AGBL4: variants seen among roughly 807,000 people sequenced by gnomAD.
The protein encoded by AGBL4 is AGBL carboxypeptidase 4, also known as cytosolic carboxypeptidase 6.
A neutral mutation model predicts 66.4 loss-of-function variants in AGBL4; 58 were observed. The observed-to-expected ratio is 0.87, with a 90% CI of 0.71 to 1.09. The LOEUF (loss-of-function observed/expected upper bound fraction) is 1.09, where lower values mean the gene tolerates loss of function less well. Among genes scored for constraint, AGBL4 ranks in the 50% least tolerant of loss-of-function variants. The pLI is 0.00. For synonymous variants in AGBL4, 234 were observed against 222.9 expected (o/e 1.05, Z -0.44); for missense variants, 579 against 631.0 (o/e 0.92, Z 0.88).
At chr1:49,454,211 C>A (rs766239551) in intron 3 of AGBL4, among the ~76,000 whole-genome samples, 3 of 151,734 alleles carry the variant, frequency 2.0e-5, no homozygotes, top group Non-Finnish European at 4.4e-5. Context: ...AAGAAGGGAA[C>A]CAGCAGAGCA....
intron 1 of AGBL4, among the ~76,000 whole-genome samples, chr1:49,984,656 G>T (rs984018000): frequency 2.0e-5 from 3 of 152,192 alleles, no homozygotes; most frequent in African/African-American, 4.8e-5. Flanking sequence ...CTTGCAGGCT[G>T]TAACTCTTTA....
chr1:49,668,176 A>G (rs990337935), intron 3 of AGBL4, among the ~76,000 whole-genome samples: 9 of 152,214 alleles, frequency 5.9e-5, no homozygotes, highest in African/African-American at 1.7e-4. Flanking sequence ...AGAACTTAAC[A>G]TCCTTTAGTT....
At chr1:49,970,496 T>C (rs1317393664) in intron 1 of AGBL4, among the ~76,000 whole-genome samples, 1 of 151,858 alleles carries the variant, frequency 6.6e-6, no homozygotes, top group Admixed American at 6.6e-5. Context: ...GGTATAAGAA[T>C]CGGTGCCTGG....
intron 3 of AGBL4, among the ~76,000 whole-genome samples, chr1:49,554,548 C>A (rs1383294854): frequency 7.9e-5 from 12 of 152,080 alleles, no homozygotes; most frequent in Admixed American, 6.5e-4. Flanking sequence ...CTCCAGATAC[C>A]AAGTGTTTTT....
At chr1:48,540,639 G>GCACTTAT (rs1224957986) in intron 11 of AGBL4, among the ~76,000 whole-genome samples, 1 of 151,972 alleles carries the variant, frequency 6.6e-6, no homozygotes, top group Non-Finnish European at 1.5e-5. Context: ...TTCATTCAAA[G>GCACTTAT]CACTTATCAC....
At position 49,722,662 on chromosome 1, in the gene AGBL4, T is replaced by C. The variant is rs1251409676; in HGVS notation, c.158-25225A>G. Among the ~76,000 whole-genome samples, 2 of 152,190 alleles carry C rather than the reference T, an allele frequency of 1.3e-5. 1 individual carries two copies. Among genetic ancestry groups the C allele is most frequent in the Non-Finnish European group, 2.9e-5 (2 of 68,018 alleles). The stretch of plus-strand genomic sequence containing the variant: ...ACATGTTTTTAAGTGGATGTACTAT[T>C]GATTTTACATTGATTGAATGGCAGT... On this transcript the variant is annotated intron_variant, in intron 2 of 13. Transcript: ENST00000371839.
chr1:48,567,767 C>G (rs1464011974), intron 11 of AGBL4, among the ~76,000 whole-genome samples: 1 of 152,130 alleles, frequency 6.6e-6, no homozygotes, highest in Admixed American at 6.5e-5. Context: ...GCAGGGAGGG[C>G]TGGACCCTCA....
intron 6 of AGBL4, among the ~76,000 whole-genome samples, chr1:48,808,216 G>T (rs1645971519): frequency 6.6e-6 from 1 of 152,080 alleles, no homozygotes; most frequent in African/African-American, 2.4e-5. Flanking sequence ...TAATGGTATT[G>T]GCTGCTTACC....
intron 3 of AGBL4, among the ~76,000 whole-genome samples, chr1:49,614,290 G>A (rs982251200): frequency 2.0e-5 from 3 of 151,974 alleles, no homozygotes; most frequent in African/African-American, 7.3e-5. Context: ...AACTTTATAT[G>A]AATGGAATCA....
chr1:49,895,261 A>C (rs1473272188), intron 1 of AGBL4, among the ~76,000 whole-genome samples: 1 of 152,034 alleles, frequency 6.6e-6, no homozygotes, highest in Non-Finnish European at 1.5e-5. Context: ...TGCTAAAGGC[A>C]GTTCTTCAAT....
At chr1:49,720,479 C>T (rs552598049) in intron 2 of AGBL4, among the ~76,000 whole-genome samples, 5 of 152,270 alleles carry the variant, frequency 3.3e-5, no homozygotes, top group African/African-American at 1.2e-4. Context: ...TCATTGAGCA[C>T]TTGCTACATA....
At chr1:48,739,270 C>T (rs1454752538) in intron 6 of AGBL4, among the ~76,000 whole-genome samples, 2 of 152,218 alleles carry the variant, frequency 1.3e-5, no homozygotes, top group African/African-American at 4.8e-5. Context: ...AGATTAAGTT[C>T]CCTAAAATAC....
intron 6 of AGBL4, chr1:48,742,596 G>A: frequency 1.3e-6 from 2 of 1,500,774 alleles, no homozygotes; most frequent in Non-Finnish European, 1.8e-6. Flanking sequence ...CACTTGCAGG[G>A]AATGGATATT....
intron 4 of AGBL4, among the ~76,000 whole-genome samples, chr1:49,219,162 T>C (rs1052095837): frequency 4.6e-5 from 7 of 152,176 alleles, no homozygotes; most frequent in Non-Finnish European, 8.8e-5. Flanking sequence ...CCAGTACTAC[T>C]GTATACTCCC....
At chr1:48,909,748 A>C (rs1339603383) in intron 5 of AGBL4, among the ~76,000 whole-genome samples, 1 of 152,258 alleles carries the variant, frequency 6.6e-6, no homozygotes, top group Non-Finnish European at 1.5e-5. Context: ...CGAAACATAC[A>C]GAACACATAC....
chr1:49,810,808 T>C (rs150731506), intron 2 of AGBL4, among the ~76,000 whole-genome samples: 32 of 152,230 alleles, frequency 2.1e-4, no homozygotes, highest in African/African-American at 7.0e-4. Context: ...AGTGATATGA[T>C]TAAATCTATG....
intron 3 of AGBL4, among the ~76,000 whole-genome samples, chr1:49,265,394 A>C (rs558618849): frequency 6.6e-6 from 1 of 152,336 alleles, no homozygotes; most frequent in Admixed American, 6.5e-5. Flanking sequence ...GTGTCATGAC[A>C]TATCAAAGGT....
At chr1:49,321,606 A>G (rs1034296195) in intron 3 of AGBL4, among the ~76,000 whole-genome samples, 3 of 152,220 alleles carry the variant, frequency 2.0e-5, no homozygotes, top group Admixed American at 1.3e-4. Context: ...CTCACATATG[A>G]GTAAAAACTA....
intron 5 of AGBL4, among the ~76,000 whole-genome samples, chr1:48,934,355 C>T (rs1655280418): frequency 6.6e-6 from 1 of 152,116 alleles, no homozygotes; most frequent in Non-Finnish European, 1.5e-5. Flanking sequence ...AGGGTGACCA[C>T]ATGTCTCAGT....
Sources: allele counts gnomAD v4.1 joint callset (sites outside exome capture counted in the v4.1 genomes callset), GRCh38; gene constraint gnomAD v4.1.1; transcripts MANE v1.5; gene names NCBI Gene and HGNC (gene_info 2026-07-23, HGNC 2026-07-21).